Variants in ACO1 observed in about 807,000 individuals in gnomAD.
The protein encoded by ACO1 is cytoplasmic aconitate hydratase.
ACO1 carries 78 observed loss-of-function variants against 105.1 expected under a neutral mutation model. The observed-to-expected ratio is 0.74, with a 90% CI of 0.62 to 0.90. The LOEUF is 0.90. ACO1 is among the 40% of genes least tolerant of loss of function. The pLI is 0.00. For missense variants in ACO1, 965 were observed against 1,111.1 expected, an observed-to-expected ratio of 0.87 and a Z score of 1.87; for synonymous variants, 364 against 397.4, an observed-to-expected ratio of 0.92 and a Z score of 1.00.
rs7049187 is a variant in ACO1, at chr9:32,398,252, T to C, written c.-22-7233T>C. Among the ~76,000 whole-genome samples, 1,450 of 152,344 alleles carry C rather than the reference T, an allele frequency of 9.5e-3. 21 individuals are homozygous for C. Among genetic ancestry groups the C allele is most frequent in the African/African-American group, 0.033 (1,358 of 41,572 alleles). On this transcript the variant is annotated intron_variant, in intron 1 of 20. Transcript: ENST00000309951. ...TTCATAGATGTATATATTCCAAAGA[T>C]GAGATGGAGACCCTAAAAGGTGAAT...
chr9:32,415,919 T>C lies in ACO1; in HGVS notation c.405-2209T>C, dbSNP rs144442802. Among the ~76,000 whole-genome samples, 55 of 152,068 alleles carry C rather than the reference T, an allele frequency of 3.6e-4. No individual in the cohort carries two copies. The East Asian group carries it at 0.01, about 28-fold the overall frequency. ...TAAAAATGTAAAAATCATCCTTCAT[T>C]TGAGGGCCAAGCATATATGGGCATT... On this transcript the variant is annotated intron_variant, in intron 4 of 20. Coordinates refer to ENST00000309951, the MANE Select transcript of ACO1 (RefSeq NM_002197.3).
At chr9:32,393,780 T>A (rs1201594170) in intron 1 of ACO1, among the ~76,000 whole-genome samples, 1 of 152,156 alleles carries the variant, frequency 6.6e-6, no homozygotes, top group Non-Finnish European at 1.5e-5. Flanking sequence ...AGAACCTACG[T>A]GAAATATCAG....
At chr9:32,420,774 T>C in intron 7 of ACO1, 82 bp from the exon 8 acceptor site, 1 of 1,454,262 alleles carries the variant, frequency 6.9e-7, no homozygotes, top group South Asian at 1.3e-5. Flanking sequence ...AAGACTAGTT[T>C]ATAAGAAGTG....
At position 32,418,525 on chromosome 9, in the gene ACO1, CAT is replaced by C. The variant is rs756219806; in HGVS notation, c.658+19_658+20del. On this transcript the variant is annotated intron_variant, in intron 6 of 20. Transcript: ENST00000309951. ...TTCTTGGTTGGGGTGAGTGTTCTTC[CAT>C]ATATGCTGTTTTGGGGCATGCACTT... is the stretch of plus-strand genomic sequence containing the variant. 2 of 1,605,042 alleles carry C rather than the reference CAT, an allele frequency of 1.2e-6. No individual in the cohort carries two copies. The highest frequency in any genetic ancestry group is 1.7e-6 in the Non-Finnish European group (2 of 1,173,640).
At chr9:32,428,843 C>CA (rs112618859) in intron 12 of ACO1, among the ~76,000 whole-genome samples, 25,395 of 142,080 alleles carry the variant, frequency 0.18, 2,567 homozygotes, top group South Asian at 0.35. Context: ...GACTCCGTCT[C>CA]AAAAAAAAAA....
chr9:32,423,445 T>TGTATTTCCTC (rs2118481876), intron 9 of ACO1, 26 bp downstream of exon 9: 1 of 1,456,112 alleles, frequency 6.9e-7, no homozygotes, highest in Non-Finnish European at 9.5e-7. Context: ...CCACTGTGCA[T>TGTATTTCCTC]GTATTTCCTC....
chr9:32,416,337 C>G (rs892920951), intron 4 of ACO1, among the ~76,000 whole-genome samples: 2 of 152,092 alleles, frequency 1.3e-5, no homozygotes, highest in African/African-American at 4.8e-5. Context: ...TCGTGATCTG[C>G]CCGCCTCAGC....
Position 32,431,830 on chromosome 9 carries a change from A to G in ACO1, c.1838A>G (p.Tyr613Cys), listed in dbSNP as rs1025882890. 2.5e-6 allele frequency: 4 copies of G among 1,613,954 alleles called. No homozygotes were observed. Among genetic ancestry groups the G allele is most frequent in the African/African-American group, 1.3e-5 (1 of 74,914 alleles). Residue 613 changes from tyrosine (Y) to cysteine (C), a missense_variant, in exon 15 of 21, where the codon TAT (tyrosine) becomes TGT (cysteine). Physicochemically the swap from Tyr to Cys is radical, Grantham distance 194 (BLOSUM62 -2). Transcript: ENST00000309951. ...ATCCCGGGGATGTTTAAGGAAGTCT[A>G]TCAGAAAATAGAGGTGAGGTCCCAC... The part of the protein sequence containing the change: ...YVIPGMFKEV[Y>C]QKIETVNESW...
chr9:32,405,521 C>T lies in ACO1; in HGVS notation c.15C>T (p.Phe5=), dbSNP rs772130307. ...CATCAGTAATCATGAGCAACCCATT[C>T]GCACACCTTGCTGAGCCATTGGATC... The part of the protein sequence containing the change: MSNP[F]AHLAEPLDPV... The change falls in exon 2 of 21, where the codon TTC becomes TTT. Residue 5 remains phenylalanine (F), a synonymous_variant. Transcript: ENST00000309951. 12 of 1,613,614 alleles carry T rather than the reference C, an allele frequency of 7.4e-6. No individual in the cohort carries two copies. The highest frequency in any genetic ancestry group is 2.2e-5 in the East Asian group (1 of 44,866).
chr9:32,414,971 C>T (rs905197717), intron 4 of ACO1, among the ~76,000 whole-genome samples: 1 of 151,938 alleles, frequency 6.6e-6, no homozygotes, highest in African/African-American at 2.4e-5. Flanking sequence ...ATCATCCTGA[C>T]CTGGGGAGTC....
At chr9:32,433,589 AG>A in intron 15 of ACO1, 138 bp from the exon 16 acceptor site, 1 of 632,048 alleles carries the variant, frequency 1.6e-6, no homozygotes, top group Non-Finnish European at 2.7e-6. Context: ...ATTAGTATAA[AG>A]GAACTCTTGT....
Position 32,420,967 on chromosome 9 carries a change from G to A in ACO1, c.910G>A (p.Gly304Arg), listed in dbSNP as rs746718645. 13 of 1,614,014 alleles carry A rather than the reference G, an allele frequency of 8.1e-6. No homozygotes were observed. The highest frequency in any genetic ancestry group is 4.4e-5 in the South Asian group (4 of 91,078). The change falls in exon 8 of 21, where the codon GGA becomes AGA. Residue 304 changes from glycine (G) to arginine (R), a missense_variant. Coordinates refer to ENST00000309951, the MANE Select transcript of ACO1 (RefSeq NM_002197.3). Reference protein sequence around the residue: ...ATIANMCPEYGATAAFFPVDE... With the variant: ...ATIANMCPEYRATAAFFPVDE... ...GATTGCTAACATGTGTCCAGAGTAC[G>A]GAGCAACTGCTGCCTTTTTCCCAGT...
intron 1 of ACO1, among the ~76,000 whole-genome samples, chr9:32,393,190 C>T (rs559922860): frequency 6.6e-6 from 1 of 152,314 alleles, no homozygotes; most frequent in Non-Finnish European, 1.5e-5. Flanking sequence ...CCATATGTCT[C>T]TTCTTTCTAA....
At chr9:32,404,182 A>C (rs140906571) in intron 1 of ACO1, among the ~76,000 whole-genome samples, 1 of 152,128 alleles carries the variant, frequency 6.6e-6, no homozygotes, top group Non-Finnish European at 1.5e-5. Context: ...CTCAAAAACT[A>C]AAGCCACCAT....
intron 15 of ACO1, among the ~76,000 whole-genome samples, chr9:32,432,686 C>T (rs964139874): frequency 1.2e-4 from 18 of 152,168 alleles, no homozygotes; most frequent in Admixed American, 9.8e-4. Context: ...AGAGTAATTT[C>T]CCCTTTGGTA....
intron 4 of ACO1, 144 bp downstream of exon 4, chr9:32,408,795 C>T (rs987679514): frequency 2.7e-5 from 27 of 982,068 alleles, no homozygotes; most frequent in Non-Finnish European, 3.8e-5. Flanking sequence ...ATACATTTCG[C>T]AGTAAAGATG....
At chr9:32,428,299 A>C (rs906523926) in intron 12 of ACO1, among the ~76,000 whole-genome samples, 3 of 149,748 alleles carry the variant, frequency 2.0e-5, no homozygotes, top group Non-Finnish European at 3.0e-5. Flanking sequence ...AAAAAAAAAA[A>C]CCTAAGAGAT....
chr9:32,447,463 G>A (rs895001475), intron 19 of ACO1, among the ~76,000 whole-genome samples: 3 of 151,982 alleles, frequency 2.0e-5, no homozygotes, highest in African/African-American at 4.8e-5. Flanking sequence ...TTAGCAATTC[G>A]CCTAACCTTT....
At chr9:32,437,103 G>A (rs1192706799) in intron 18 of ACO1, among the ~76,000 whole-genome samples, 2 of 152,118 alleles carry the variant, frequency 1.3e-5, no homozygotes, top group Non-Finnish European at 2.9e-5. Flanking sequence ...AAATAACCCT[G>A]CCGACTTATT....
Sources: allele counts gnomAD v4.1 joint callset (sites outside exome capture counted in the v4.1 genomes callset), GRCh38; gene constraint gnomAD v4.1.1; transcripts MANE v1.5; gene names NCBI Gene and HGNC (gene_info 2026-07-23, HGNC 2026-07-21).